The following LARS1 variants were observed in gnomAD, a reference collection of about 807,000 sequenced individuals.
The protein encoded by LARS1 is leucine--tRNA ligase, cytoplasmic.
Under a neutral mutation model 162.8 loss-of-function variants are expected in LARS1, and 100 were observed. The ratio of observed to expected loss-of-function variants is 0.61; its 90% CI spans 0.52 to 0.73. The LOEUF (loss-of-function observed/expected upper bound fraction) is 0.73. Ranked by LOEUF, LARS1 falls within the 30% of genes least tolerant of loss-of-function variation. The pLI is 0.00. For synonymous variants in LARS1, 457 were observed against 462.8 expected (o/e 0.99, Z 0.16); for missense variants, 1,258 against 1,408.9 (o/e 0.89, Z 1.71).
chr5:146,147,819 C>T (rs542204196), intron 15 of LARS1, among the ~76,000 whole-genome samples: 1 of 152,148 alleles, frequency 6.6e-6, no homozygotes, highest in South Asian at 2.1e-4. Flanking sequence ...ATTGAAGGAG[C>T]CCACCAAGCA....
chr5:146,174,765 A>C lies in LARS1; in HGVS notation c.126-1991T>G, dbSNP rs1035553192. Among the ~76,000 whole-genome samples, 3 of 151,608 alleles carry C rather than the reference A, an allele frequency of 2.0e-5. No homozygotes were observed. In the Admixed American group the frequency reaches 2.0e-4, roughly 10 times the overall value. ...TCCTCAGCTGTAAAAGAGAAATTTTAAAAGCTGTTAACCTTAAAGTATATT... is the reference window on the plus strand; with the variant it reads ...TCCTCAGCTGTAAAAGAGAAATTTTCAAAGCTGTTAACCTTAAAGTATATT... On this transcript the variant is annotated intron_variant, in intron 2 of 31. Transcript: ENST00000394434.
rs1400047226 is a variant in LARS1, at chr5:146,128,959, A to C, written c.2769+19T>G. On this transcript the variant is annotated intron_variant, in intron 26 of 31. Transcript: ENST00000394434. ...TTTTAAGGAATAATCCTTTAAAAAA[A>C]AAAACAAAAAAACTTTACCTTCCCT... 1 of 1,570,000 alleles carries C rather than the reference A, an allele frequency of 6.4e-7. No homozygotes were observed. Among genetic ancestry groups the C allele is most frequent in the Admixed American group, 2.1e-5 (1 of 46,570 alleles).
At chr5:146,174,472 ATATATATATAT>A (rs1754425692) in intron 2 of LARS1, among the ~76,000 whole-genome samples, 1 of 9,948 alleles carries the variant, frequency 1.0e-4, no homozygotes, top group African/African-American at 2.5e-4. Flanking sequence ...ATCCATATAT[ATATATATATAT>A]CCATATATAT....
intron 22 of LARS1, among the ~76,000 whole-genome samples, chr5:146,135,218 T>C (rs2126444463): frequency 6.6e-6 from 1 of 151,298 alleles, no homozygotes; most frequent in South Asian, 2.1e-4. Flanking sequence ...GATTTCACCA[T>C]GTTGGCCAGG....
At chr5:146,176,288 C>A (rs1041445781) in intron 2 of LARS1, among the ~76,000 whole-genome samples, 1 of 151,756 alleles carries the variant, frequency 6.6e-6, no homozygotes, top group Non-Finnish European at 1.5e-5. Flanking sequence ...CCCGTCTCTA[C>A]TAAAAATACA....
intron 31 of LARS1, among the ~76,000 whole-genome samples, chr5:146,116,904 A>T (rs1441085468): frequency 1.3e-5 from 2 of 152,194 alleles, no homozygotes; most frequent in African/African-American, 2.4e-5. Flanking sequence ...ATGTTACTGA[A>T]TTTAACTCCT....
chr5:146,133,129 G>A (rs756833587), intron 22 of LARS1, 48 bp from the exon 23 acceptor site: 2 of 1,534,740 alleles, frequency 1.3e-6, no homozygotes, highest in Non-Finnish European at 1.8e-6. Flanking sequence ...TGGTTACTGA[G>A]TATCAACTGT....
At chr5:146,139,428 C>A (rs1752662668) in intron 21 of LARS1, among the ~76,000 whole-genome samples, 1 of 151,804 alleles carries the variant, frequency 6.6e-6, no homozygotes. Flanking sequence ...TGATTCCTGT[C>A]CCTGTCTCTG....
intron 6 of LARS1, among the ~76,000 whole-genome samples, chr5:146,163,828 A>T (rs1753884872): frequency 6.6e-6 from 1 of 152,176 alleles, no homozygotes; most frequent in African/African-American, 2.4e-5. Context: ...TTTTTACTTA[A>T]AATGATGAGA....
chr5:146,170,161 T>G (rs1452371724), intron 4 of LARS1, among the ~76,000 whole-genome samples: 2 of 152,082 alleles, frequency 1.3e-5, no homozygotes, highest in Non-Finnish European at 2.9e-5. Flanking sequence ...CAATGTGTGC[T>G]CCACAAAATA....
At chr5:146,147,396 T>C (rs1238914422) in intron 15 of LARS1, among the ~76,000 whole-genome samples, 1 of 148,726 alleles carries the variant, frequency 6.7e-6, no homozygotes, top group Non-Finnish European at 1.5e-5. Flanking sequence ...AAGACCCCTG[T>C]CTCTTTAAAA....
intron 31 of LARS1, 67 bp from the exon 32 acceptor site, chr5:146,114,378 G>A: frequency 7.8e-7 from 1 of 1,276,496 alleles, no homozygotes; most frequent in Admixed American, 2.0e-5. Flanking sequence ...AGCAGTCTGA[G>A]AACTCACGTT....
rs1459659757 is a variant in LARS1, at chr5:146,129,124, A to C, written c.2629-6T>G. 6.4e-7 allele frequency: 1 copy of C among 1,562,276 alleles called. No homozygotes were observed. Among genetic ancestry groups the C allele is most frequent in the Non-Finnish European group, 8.6e-7 (1 of 1,159,318 alleles). On this transcript the variant is annotated splice_region_variant and splice_polypyrimidine_tract_variant and intron_variant, in intron 25 of 31. Transcript: ENST00000394434. ...GCATTCATAATTGAGTCAGGCTTTT[A>C]AAAAAAGAAAAACAAAAAAACCTTC... is the stretch of plus-strand genomic sequence containing the variant.
In LARS1 at chr5:146,157,260, T is replaced by C. The variant is rs1753571659; in HGVS notation, c.1065+143A>G. 68 of 708,922 alleles carry C rather than the reference T, an allele frequency of 9.6e-5. 1 individual carries two copies. The South Asian group carries it at 1.2e-3, about 12-fold the overall frequency. The allele number at this position is 708,922 out of a possible 1,614,324, so 43.9% of individuals were successfully genotyped here. The stretch of plus-strand genomic sequence containing the variant: ...ACGTAAGTGTATATACATATGAAAA[T>C]GCACCAAAACACACAAGACTTACAC... On this transcript the variant is annotated intron_variant, in intron 10 of 31. Coordinates refer to ENST00000394434, the MANE Select transcript of LARS1 (RefSeq NM_020117.11).
intron 29 of LARS1, among the ~76,000 whole-genome samples, 181 bp downstream of exon 29, chr5:146,123,801 T>C (rs574334187): frequency 6.6e-6 from 1 of 152,058 alleles, no homozygotes; most frequent in East Asian, 1.9e-4. Context: ...TATCACTTTT[T>C]TTCCTGCAAC....
chr5:146,160,575 TCTAA>T (rs1397635476), intron 6 of LARS1, 89 bp from the exon 7 acceptor site: 3 of 593,794 alleles, frequency 5.1e-6, no homozygotes, highest in African/African-American at 2.0e-5. Context: ...TATTTACTCT[TCTAA>T]CTTAGAATCA....
rs1313237219 is a variant in LARS1 at position 146,182,563 on chromosome 5, T to C, written c.-70A>G. On this transcript the variant is annotated 5_prime_UTR_variant, in exon 1 of 32. Transcript: ENST00000394434. ...CGACCTCCACAAAGGAGTGGTTACCTTTCCCCTCCCTCTCGGGGATGCCAG... is the reference window on the plus strand; with the variant it reads ...CGACCTCCACAAAGGAGTGGTTACCCTTCCCCTCCCTCTCGGGGATGCCAG... 2.5e-6 allele frequency: 4 copies of C among 1,607,692 alleles called. No individual in the cohort carries two copies. The South Asian group carries it at 3.3e-5, about 13-fold the overall frequency.
chr5:146,147,654 C>T (rs1010002999), intron 15 of LARS1, among the ~76,000 whole-genome samples: 1 of 151,956 alleles, frequency 6.6e-6, no homozygotes, highest in African/African-American at 2.4e-5. Flanking sequence ...GAGGGACTAT[C>T]CCACAAAGAG....
At chr5:146,142,705 G>A in intron 20 of LARS1, 167 bp downstream of exon 20, 1 of 565,672 alleles carries the variant, frequency 1.8e-6, no homozygotes, top group Non-Finnish European at 3.1e-6. Flanking sequence ...CTGGATGTAA[G>A]AGATAGGAGG....
Sources: allele counts gnomAD v4.1 joint callset (sites outside exome capture counted in the v4.1 genomes callset), GRCh38; gene constraint gnomAD v4.1.1; transcripts MANE v1.5; gene names NCBI Gene and HGNC (gene_info 2026-07-23, HGNC 2026-07-21).